ARID3B: variants seen among roughly 807,000 people sequenced by gnomAD.
ARID3B encodes AT-rich interactive domain-containing protein 3B.
In ARID3B, 10 loss-of-function variants were observed where a neutral mutation model predicts 51.9. That is an observed-to-expected ratio of 0.19 (90% CI 0.12 to 0.33). The LOEUF (loss-of-function observed/expected upper bound fraction) is 0.33, where lower values mean the gene tolerates loss of function less well. Ranked by LOEUF, ARID3B falls within the 10% of genes least tolerant of loss-of-function variation. The probability of loss-of-function intolerance (pLI) is 1.00; values close to 1 mark genes in which losing one functional copy is unlikely to be tolerated. For missense variants in ARID3B, 483 were observed against 716.3 expected, an observed-to-expected ratio of 0.67 and a Z score of 3.72; for synonymous variants, 205 against 279.5, an observed-to-expected ratio of 0.73 and a Z score of 2.66.
At chr15:74,546,170 C>T (rs1439640439) in intron 2 of ARID3B, among the ~76,000 whole-genome samples, 1 of 152,224 alleles carries the variant, frequency 6.6e-6, no homozygotes, top group African/African-American at 2.4e-5. Flanking sequence ...ACTTCCACGA[C>T]AGCAGCACCC....
chr15:74,554,626 A>G (rs1228280135), intron 2 of ARID3B, among the ~76,000 whole-genome samples: 2 of 152,032 alleles, frequency 1.3e-5, no homozygotes, highest in African/African-American at 4.8e-5. Flanking sequence ...TTGGATTTTC[A>G]ATTTAACTAT....
At chr15:74,568,677 G>C (rs2061708640) in intron 2 of ARID3B, among the ~76,000 whole-genome samples, 1 of 152,142 alleles carries the variant, frequency 6.6e-6, no homozygotes, top group African/African-American at 2.4e-5. Context: ...GCCAAAGCTA[G>C]TCTTGGGTGT....
chr15:74,560,622 CGTA>C (rs2061676392), intron 2 of ARID3B, among the ~76,000 whole-genome samples: 1 of 152,064 alleles, frequency 6.6e-6, no homozygotes. Context: ...AGTAAAAATT[CGTA>C]GTTAAAAAAA....
At position 74,565,826 on chromosome 15, in the gene ARID3B, A is replaced by G. The variant is rs185416720; in HGVS notation, c.553-7036A>G. Reference sequence around the variant, plus strand: ...TTGTTAAATCTACCTCTTTCTTCTCATTGGAAGATTGGCAGTAAGCCATTG... The same window carrying G: ...TTGTTAAATCTACCTCTTTCTTCTCGTTGGAAGATTGGCAGTAAGCCATTG... On this transcript the variant is annotated intron_variant, in intron 2 of 8. Transcript: ENST00000346246. 1.3e-4 allele frequency among the ~76,000 whole-genome samples: 20 copies of G among 151,452 alleles called. No individual in the cohort carries two copies. The East Asian group carries it at 3.9e-3, about 29-fold the overall frequency.
At chr15:74,575,628 A>T (rs1195497398) in intron 4 of ARID3B, among the ~76,000 whole-genome samples, 1 of 152,186 alleles carries the variant, frequency 6.6e-6, no homozygotes, top group Admixed American at 6.5e-5. Flanking sequence ...GGACTGCCAG[A>T]TTGCCATCTA....
chr15:74,541,529 G>A (rs1057316876), intron 1 of ARID3B, among the ~76,000 whole-genome samples, 199 bp downstream of exon 1: 7 of 152,206 alleles, frequency 4.6e-5, no homozygotes, highest in African/African-American at 1.7e-4. Flanking sequence ...TTGAGATAAA[G>A]CGTTTGAGAT....
intron 2 of ARID3B, among the ~76,000 whole-genome samples, chr15:74,566,617 A>AG (rs1315427871): frequency 6.6e-6 from 1 of 151,648 alleles, no homozygotes; most frequent in African/African-American, 2.4e-5. Context: ...AAAAAAAAAA[A>AG]GAGACTAAAT....
At chr15:74,545,499 C>G (rs890939114) in intron 2 of ARID3B, among the ~76,000 whole-genome samples, 25 of 152,192 alleles carry the variant, frequency 1.6e-4, no homozygotes, top group African/African-American at 6.0e-4. Context: ...TTGTTTTCAA[C>G]CAAGCCTCTT....
intron 2 of ARID3B, among the ~76,000 whole-genome samples, chr15:74,554,836 C>T (rs1434771583): frequency 6.6e-6 from 1 of 152,016 alleles, no homozygotes; most frequent in Non-Finnish European, 1.5e-5. Flanking sequence ...CAGACCACCA[C>T]AATAAAGCAA....
At chr15:74,563,468 A>G (rs2061686539) in intron 2 of ARID3B, among the ~76,000 whole-genome samples, 1 of 152,228 alleles carries the variant, frequency 6.6e-6, no homozygotes, top group East Asian at 1.9e-4. Flanking sequence ...TGTTCTTCCT[A>G]TACATTTAAA....
intron 8 of ARID3B, among the ~76,000 whole-genome samples, chr15:74,593,689 A>G (rs2061812681): frequency 6.6e-6 from 1 of 152,170 alleles, no homozygotes; most frequent in Non-Finnish European, 1.5e-5. Flanking sequence ...TAATTTGGCA[A>G]CAGTGTTTTG....
At chr15:74,594,608 C>T (rs1017064151) in intron 8 of ARID3B, among the ~76,000 whole-genome samples, 1 of 152,268 alleles carries the variant, frequency 6.6e-6, no homozygotes, top group Non-Finnish European at 1.5e-5. Flanking sequence ...CCTTCTATCA[C>T]AACTGGGAGT....
At chr15:74,583,002 T>G in intron 4 of ARID3B, among the ~76,000 whole-genome samples, 1 of 145,778 alleles carries the variant, frequency 6.9e-6, no homozygotes. Flanking sequence ...AAGAGCAGCC[T>G]GGGCAACATG....
At chr15:74,564,002 TC>T (rs2061688864) in intron 2 of ARID3B, among the ~76,000 whole-genome samples, 1 of 152,306 alleles carries the variant, frequency 6.6e-6, no homozygotes, top group Admixed American at 6.5e-5. Flanking sequence ...TTAGCTCTTT[TC>T]CAAGCCACTG....
chr15:74,556,863 C>T (rs530228980), intron 2 of ARID3B, among the ~76,000 whole-genome samples: 1 of 148,506 alleles, frequency 6.7e-6, no homozygotes, highest in South Asian at 2.1e-4. Context: ...CAACCTCTGC[C>T]TGCCAGGTTC....
chr15:74,562,659 T>G (rs1299654597), intron 2 of ARID3B, among the ~76,000 whole-genome samples: 1 of 152,172 alleles, frequency 6.6e-6, no homozygotes, highest in Non-Finnish European at 1.5e-5. Flanking sequence ...GTCCCCATCA[T>G]AAGTTGAAGA....
intron 4 of ARID3B, 40 bp from the exon 5 acceptor site, chr15:74,589,780 G>A (rs766938866): frequency 1.3e-6 from 2 of 1,564,934 alleles, no homozygotes; most frequent in East Asian, 2.3e-5. Context: ...TCAGCCTGAT[G>A]ATGATCCCGC....
intron 2 of ARID3B, among the ~76,000 whole-genome samples, chr15:74,557,067 G>A (rs1347404161): frequency 1.3e-5 from 2 of 152,036 alleles, no homozygotes; most frequent in Non-Finnish European, 2.9e-5. Flanking sequence ...GAGCCAGCAT[G>A]CACAGCCTCC....
intron 2 of ARID3B, among the ~76,000 whole-genome samples, chr15:74,555,876 C>T (rs1261541178): frequency 6.8e-6 from 1 of 147,834 alleles, no homozygotes; most frequent in Non-Finnish European, 1.5e-5. Flanking sequence ...ACTGCAAGCT[C>T]CGCCTCCCAG....
Sources: gnomAD v4.1 joint callset for allele counts (sites outside exome capture counted in the v4.1 genomes callset) on GRCh38, gnomAD v4.1.1 for gene constraint, MANE v1.5 for transcripts, NCBI Gene and HGNC (gene_info 2026-07-23, HGNC 2026-07-21) for gene names.